AGBL4: variants seen among roughly 807,000 people sequenced by gnomAD.
The protein encoded by AGBL4 is AGBL carboxypeptidase 4.
A neutral mutation model predicts 66.4 loss-of-function variants in AGBL4; 58 were observed. That is an observed-to-expected ratio of 0.87 (90% CI 0.71 to 1.09). AGBL4 has a LOEUF of 1.09. Ranked by LOEUF, AGBL4 falls within the 50% of genes least tolerant of loss-of-function variation. AGBL4 has a pLI of 0.00. For missense variants in AGBL4, 579 were observed against 631.0 expected, an observed-to-expected ratio of 0.92 and a Z score of 0.88; for synonymous variants, 234 against 222.9, an observed-to-expected ratio of 1.05 and a Z score of -0.44.
At chr1:49,380,688 C>T (rs1211015042) in intron 3 of AGBL4, among the ~76,000 whole-genome samples, 1 of 152,074 alleles carries the variant, frequency 6.6e-6, no homozygotes, top group African/African-American at 2.4e-5. Context: ...AGAAATAATG[C>T]CACATATCTG....
intron 5 of AGBL4, among the ~76,000 whole-genome samples, chr1:49,012,547 T>C (rs922935477): frequency 6.6e-6 from 1 of 152,162 alleles, no homozygotes; most frequent in Admixed American, 6.5e-5. Flanking sequence ...TCCAAACCCA[T>C]AGCTCTAGAA....
chr1:49,085,670 T>C (rs1337288661), intron 4 of AGBL4, among the ~76,000 whole-genome samples: 2 of 151,700 alleles, frequency 1.3e-5, no homozygotes, highest in African/African-American at 4.8e-5. Context: ...GCGAATCTGG[T>C]TACCAGACTG....
chr1:49,309,261 TA>T (rs569614925), intron 3 of AGBL4, among the ~76,000 whole-genome samples: 74 of 152,216 alleles, frequency 4.9e-4, no homozygotes, highest in African/African-American at 1.4e-3. Flanking sequence ...TTTTTAAGAT[TA>T]TTTGTGTACA....
chr1:49,571,666 C>T (rs766150037), intron 3 of AGBL4, among the ~76,000 whole-genome samples: 1 of 152,076 alleles, frequency 6.6e-6, no homozygotes, highest in African/African-American at 2.4e-5. Context: ...TTAGGCATTA[C>T]TTTAAACTTG....
At chr1:49,005,830 G>A (rs113426382) in intron 5 of AGBL4, among the ~76,000 whole-genome samples, 3 of 151,984 alleles carry the variant, frequency 2.0e-5, no homozygotes, top group East Asian at 1.9e-4. Context: ...GTGAAACCCC[G>A]TCTCTACTAA....
chr1:48,833,680 C>G (rs953628054), intron 6 of AGBL4, among the ~76,000 whole-genome samples: 13 of 152,102 alleles, frequency 8.5e-5, no homozygotes, highest in African/African-American at 3.1e-4. Flanking sequence ...CAACAGAAGC[C>G]ATGAATAAAT....
intron 1 of AGBL4, among the ~76,000 whole-genome samples, chr1:49,883,189 C>T (rs938931592): frequency 6.6e-6 from 1 of 152,054 alleles, no homozygotes; most frequent in Non-Finnish European, 1.5e-5. Flanking sequence ...ACAACACTAC[C>T]ATATCAATCA....
intron 3 of AGBL4, among the ~76,000 whole-genome samples, chr1:49,656,142 G>T (rs1376203252): frequency 6.8e-6 from 1 of 147,814 alleles, no homozygotes; most frequent in African/African-American, 2.5e-5. Flanking sequence ...GTGAGACTCC[G>T]TCTCAAAAAA....
At chr1:49,762,513 C>G (rs1326820556) in intron 2 of AGBL4, among the ~76,000 whole-genome samples, 2 of 151,428 alleles carry the variant, frequency 1.3e-5, no homozygotes, top group African/African-American at 4.9e-5. Flanking sequence ...TCCGGGTTCA[C>G]TCCATTCTCC....
chr1:48,868,940 G>T (rs1041189935), intron 5 of AGBL4, among the ~76,000 whole-genome samples: 3 of 152,166 alleles, frequency 2.0e-5, no homozygotes, highest in Admixed American at 2.0e-4. Context: ...GATCTGTGTT[G>T]TCTTCTCTCC....
chr1:49,657,480 C>T (rs1472229764), intron 3 of AGBL4, among the ~76,000 whole-genome samples: 3 of 152,074 alleles, frequency 2.0e-5, no homozygotes, highest in African/African-American at 7.2e-5. Flanking sequence ...CTACCAATGA[C>T]TTTCTTCACA....
At chr1:49,113,815 G>C (rs1284318130) in intron 4 of AGBL4, among the ~76,000 whole-genome samples, 1 of 152,194 alleles carries the variant, frequency 6.6e-6, no homozygotes, top group East Asian at 1.9e-4. Flanking sequence ...TTGTCAGTGA[G>C]CTGTAATATT....
intron 8 of AGBL4, among the ~76,000 whole-genome samples, chr1:48,641,617 G>A (rs540091077): frequency 6.6e-6 from 1 of 152,276 alleles, no homozygotes; most frequent in African/African-American, 2.4e-5. Context: ...AGTGCTGAGA[G>A]GGCAGTGACT....
chr1:49,960,459 TA>T (rs1347947712), intron 1 of AGBL4, among the ~76,000 whole-genome samples: 1 of 151,882 alleles, frequency 6.6e-6, no homozygotes, highest in Non-Finnish European at 1.5e-5. Context: ...CATAAAAGAT[TA>T]AAAAATTGCA....
intron 3 of AGBL4, among the ~76,000 whole-genome samples, chr1:49,522,384 TG>T (rs1027608145): frequency 6.6e-6 from 1 of 152,142 alleles, no homozygotes; most frequent in Admixed American, 6.5e-5. Context: ...GAAATCTCCC[TG>T]TGTCACTAGA....
intron 3 of AGBL4, among the ~76,000 whole-genome samples, chr1:49,565,632 C>T (rs988314248): frequency 5.3e-5 from 8 of 152,252 alleles, no homozygotes; most frequent in Non-Finnish European, 1.0e-4. Context: ...AATATTGGCC[C>T]CCACTCTCTT....
At chr1:49,796,208 T>C (rs1644725883) in intron 2 of AGBL4, among the ~76,000 whole-genome samples, 1 of 151,936 alleles carries the variant, frequency 6.6e-6, no homozygotes, top group African/African-American at 2.4e-5. Context: ...GATGAGTAAG[T>C]AATGATTTTC....
intron 5 of AGBL4, among the ~76,000 whole-genome samples, chr1:49,014,164 A>C: frequency 6.6e-6 from 1 of 152,154 alleles, no homozygotes; most frequent in East Asian, 1.9e-4. Context: ...CTGTATAAGT[A>C]TTTTTAAAAT....
the AGBL4 span, among the ~76,000 whole-genome samples, chr1:48,522,840 C>T: frequency 5.9e-5 from 9 of 151,634 alleles, no homozygotes; most frequent in East Asian, 2.0e-4. Flanking sequence ...GCAGAAGAAT[C>T]GCTTGAACCT....
Sources: gnomAD v4.1 joint callset for allele counts (sites outside exome capture counted in the v4.1 genomes callset) on GRCh38, gnomAD v4.1.1 for gene constraint, MANE v1.5 for transcripts, NCBI Gene and HGNC (gene_info 2026-07-23, HGNC 2026-07-21) for gene names.